CBLB: variants seen among roughly 807,000 people sequenced by gnomAD.
CBLB encodes E3 ubiquitin-protein ligase CBL-B.
Under a neutral mutation model 104.9 loss-of-function variants are expected in CBLB, and 31 were observed. The observed-to-expected ratio is 0.30, with a 90% CI of 0.22 to 0.40. The LOEUF (loss-of-function observed/expected upper bound fraction) is 0.40, where lower values mean the gene tolerates loss of function less well. Ranked by LOEUF, CBLB falls within the 10% of genes least tolerant of loss-of-function variation. The pLI, the probability that CBLB is intolerant of heterozygous loss-of-function variation, is 1.00. For synonymous variants in CBLB, 440 were observed against 422.6 expected, an observed-to-expected ratio of 1.04 and a Z score of -0.51; for missense variants, 1,062 against 1,214.6, an observed-to-expected ratio of 0.87 and a Z score of 1.87.
Position 105,790,922 on chromosome 3 carries a change from C to G in CBLB, c.420-14380G>C, listed in dbSNP as rs572138618. ...GCTGCCCACTGCACCAGCACAGGACCCCTTCTATCCATGCTGCTCAGGAAT... is the reference window on the plus strand; with the variant it reads ...GCTGCCCACTGCACCAGCACAGGACGCCTTCTATCCATGCTGCTCAGGAAT... On this transcript the variant is annotated intron_variant, in intron 3 of 18. Transcript: ENST00000394030. Among the ~76,000 whole-genome samples the G allele has an allele frequency of 1.2e-4, 18 of 152,286 alleles. 1 individual carries two copies. The highest frequency in any genetic ancestry group is 7.7e-4 in the East Asian group (4 of 5,178).
chr3:105,718,270 T>G (rs1262041564), intron 10 of CBLB, among the ~76,000 whole-genome samples: 1 of 152,212 alleles, frequency 6.6e-6, no homozygotes, highest in African/African-American at 2.4e-5. Context: ...TTTCTCTGAG[T>G]GTTAAATTAT....
At chr3:105,850,140 A>C (rs989794483) in intron 3 of CBLB, among the ~76,000 whole-genome samples, 4 of 152,148 alleles carry the variant, frequency 2.6e-5, no homozygotes, top group African/African-American at 9.6e-5. Context: ...TGACGAGCCC[A>C]AAGTTACATA....
intron 3 of CBLB, among the ~76,000 whole-genome samples, chr3:105,832,311 T>G (rs2087674375): frequency 6.6e-6 from 1 of 152,154 alleles, no homozygotes; most frequent in Non-Finnish European, 1.5e-5. Context: ...CAGGTTCCAA[T>G]TATGTGCTTC....
intron 7 of CBLB, among the ~76,000 whole-genome samples, chr3:105,738,154 A>G (rs1309582437): frequency 1.3e-5 from 2 of 152,182 alleles, no homozygotes; most frequent in East Asian, 1.9e-4. Context: ...AATTTCTTAA[A>G]TAAAACAATA....
intron 1 of CBLB, 36 bp from the exon 2 acceptor site, chr3:105,867,627 TG>T: frequency 2.5e-6 from 4 of 1,595,276 alleles, no homozygotes; most frequent in Non-Finnish European, 3.4e-6. Context: ...AAAAGTTAGT[TG>T]GTTTTGAAAA....
chr3:105,867,476 T>G lies in CBLB; in HGVS notation c.102A>C (p.Gly34=), dbSNP rs766236883. 6.2e-7 allele frequency: 1 copy of G among 1,614,092 alleles called. No individual in the cohort carries two copies. The highest frequency in any genetic ancestry group is 8.5e-7 in the Non-Finnish European group (1 of 1,179,994). Residue 34 remains glycine, a synonymous_variant, in exon 2 of 19, where the codon GGA becomes GGC. Transcript: ENST00000394030. ...GIIDAIQDAV[G]PPKQAAADRR... Reference sequence around the variant, plus strand: ...GATCTGCGGCAGCTTGCTTAGGGGGTCCAACTGCATCCTGAATAGCATCAA... The same window carrying G: ...GATCTGCGGCAGCTTGCTTAGGGGGGCCAACTGCATCCTGAATAGCATCAA...
intron 2 of CBLB, among the ~76,000 whole-genome samples, chr3:105,855,990 C>T (rs1007200000): frequency 1.3e-5 from 2 of 152,104 alleles, no homozygotes; most frequent in Admixed American, 6.6e-5. Flanking sequence ...TCAAGCATAA[C>T]GAACACAATA....
intron 4 of CBLB, among the ~76,000 whole-genome samples, chr3:105,767,396 A>T (rs1351479014): frequency 6.6e-6 from 1 of 152,106 alleles, no homozygotes; most frequent in Non-Finnish European, 1.5e-5. Context: ...ACGGGAAACC[A>T]AAGAAGGCCC....
chr3:105,711,035 T>C (rs2070991146), intron 10 of CBLB, among the ~76,000 whole-genome samples: 2 of 151,986 alleles, frequency 1.3e-5, no homozygotes, highest in Non-Finnish European at 2.9e-5. Context: ...AGAGCCATTT[T>C]ATAAAAACGT....
At chr3:105,822,179 TG>T (rs1409616606) in intron 3 of CBLB, among the ~76,000 whole-genome samples, 4 of 152,186 alleles carry the variant, frequency 2.6e-5, no homozygotes, top group African/African-American at 9.6e-5. Flanking sequence ...ACAATGGCAG[TG>T]TTGAACCAAT....
intron 3 of CBLB, among the ~76,000 whole-genome samples, chr3:105,788,699 A>C (rs1326566538): frequency 6.6e-6 from 1 of 152,212 alleles, no homozygotes; most frequent in Admixed American, 6.5e-5. Flanking sequence ...TCTGTAAAAA[A>C]TTAAAAATGG....
At chr3:105,691,265 T>C (rs1348697420) in intron 13 of CBLB, among the ~76,000 whole-genome samples, 1 of 152,220 alleles carries the variant, frequency 6.6e-6, no homozygotes, top group Admixed American at 6.5e-5. Flanking sequence ...GCATGCAAAA[T>C]TGAAAACTAA....
At chr3:105,711,584 T>A (rs2071093326) in intron 10 of CBLB, among the ~76,000 whole-genome samples, 1 of 152,052 alleles carries the variant, frequency 6.6e-6, no homozygotes, top group Admixed American at 6.6e-5. Context: ...CCACAGATAA[T>A]AAACAAAAGC....
At chr3:105,801,172 T>C (rs2082819607) in intron 3 of CBLB, among the ~76,000 whole-genome samples, 1 of 152,094 alleles carries the variant, frequency 6.6e-6, no homozygotes, top group Admixed American at 6.5e-5. Flanking sequence ...GGCTAATTAA[T>C]AAAAATAACC....
At chr3:105,709,925 T>C (rs1322941400) in intron 10 of CBLB, among the ~76,000 whole-genome samples, 2 of 152,072 alleles carry the variant, frequency 1.3e-5, no homozygotes, top group East Asian at 1.9e-4. Context: ...TGATGCTTGA[T>C]TGTCATTTTA....
intron 9 of CBLB, among the ~76,000 whole-genome samples, chr3:105,727,988 C>CT (rs1358900878): frequency 6.6e-6 from 1 of 152,110 alleles, no homozygotes; most frequent in Non-Finnish European, 1.5e-5. Context: ...ATGCCTCCAG[C>CT]TTTTTTCTTT....
At chr3:105,697,749 T>C (rs1032583043) in intron 12 of CBLB, among the ~76,000 whole-genome samples, 1 of 152,078 alleles carries the variant, frequency 6.6e-6, no homozygotes, top group Non-Finnish European at 1.5e-5. Flanking sequence ...AAAGGTCATC[T>C]TTAGGACAAT....
intron 3 of CBLB, among the ~76,000 whole-genome samples, chr3:105,784,054 T>C (rs1173133177): frequency 2.6e-5 from 4 of 152,244 alleles, no homozygotes; most frequent in Admixed American, 6.5e-5. Context: ...GAAAATCTAT[T>C]ATGAAAACCT....
rs79022732 is a variant in CBLB at position 105,703,702 on chromosome 3, A to C, written c.1593+286T>G. Among the ~76,000 whole-genome samples the C allele has an allele frequency of 1.3e-3, 193 of 152,302 alleles. 5 individuals carry two copies. In the East Asian group the frequency reaches 0.031, roughly 24 times the overall value. On this transcript the variant is annotated intron_variant, in intron 11 of 18. Transcript: ENST00000394030. Reference sequence around the variant, plus strand: ...GCATGCAAATTATTTTAATGCATATAATGACCTTTTAAATCTATTTTACAA... The same window carrying C: ...GCATGCAAATTATTTTAATGCATATCATGACCTTTTAAATCTATTTTACAA...
Sources: allele counts gnomAD v4.1 joint callset (sites outside exome capture counted in the v4.1 genomes callset), GRCh38; gene constraint gnomAD v4.1.1; transcripts MANE v1.5; gene names NCBI Gene and HGNC (gene_info 2026-07-23, HGNC 2026-07-21).